The following ZFAND3 variants were observed in gnomAD, a reference collection of about 807,000 sequenced individuals.
ZFAND3 encodes the protein AN1-type zinc finger protein 3.
ZFAND3 carries 10 observed loss-of-function variants against 29.6 expected under a neutral mutation model. That is an observed-to-expected ratio of 0.34 (90% CI 0.21 to 0.57). The LOEUF is 0.57. Among genes scored for constraint, ZFAND3 ranks in the 20% least tolerant of loss-of-function variants. The pLI is 0.86. For synonymous variants in ZFAND3, 128 were observed against 112.6 expected (o/e 1.14, Z -0.87); for missense variants, 230 against 304.5 (o/e 0.76, Z 1.82).
chr6:37,901,944 G>A (rs1765326138), intron 1 of ZFAND3, among the ~76,000 whole-genome samples: 1 of 152,156 alleles, frequency 6.6e-6, no homozygotes, highest in Admixed American at 6.5e-5. Flanking sequence ...GTTCTCTGGT[G>A]CTGTATATAA....
chr6:37,932,077 T>C (rs190379037), intron 2 of ZFAND3, among the ~76,000 whole-genome samples: 1 of 152,198 alleles, frequency 6.6e-6, no homozygotes, highest in Admixed American at 6.5e-5. Flanking sequence ...GAGACCATCC[T>C]GGCCAACATG....
chr6:37,978,107 A>T (rs1762520974), intron 2 of ZFAND3, among the ~76,000 whole-genome samples: 1 of 151,694 alleles, frequency 6.6e-6, no homozygotes, highest in Non-Finnish European at 1.5e-5. Flanking sequence ...TAATTTTCGT[A>T]TTTTTAGTGG....
intron 1 of ZFAND3, among the ~76,000 whole-genome samples, chr6:37,897,523 A>G (rs955516087): frequency 2.6e-5 from 4 of 152,206 alleles, no homozygotes; most frequent in African/African-American, 9.6e-5. Flanking sequence ...TTTCAAGAGT[A>G]TATAGATGAG....
intron 5 of ZFAND3, among the ~76,000 whole-genome samples, chr6:38,122,070 TTATC>T (rs1381156332): frequency 2.0e-5 from 3 of 152,220 alleles, no homozygotes; most frequent in African/African-American, 7.2e-5. Flanking sequence ...CCCCATTTAT[TTATC>T]TGTTACTGGC....
At chr6:37,829,440 G>A (rs1763819166) in intron 1 of ZFAND3, among the ~76,000 whole-genome samples, 1 of 151,920 alleles carries the variant, frequency 6.6e-6, no homozygotes, top group Non-Finnish European at 1.5e-5. Flanking sequence ...GGAAGCTGAA[G>A]CAGGCGAATC....
intron 1 of ZFAND3, among the ~76,000 whole-genome samples, chr6:37,867,124 A>G (rs1764603855): frequency 6.6e-6 from 1 of 152,212 alleles, no homozygotes; most frequent in Non-Finnish European, 1.5e-5. Context: ...TTTAAAGAAG[A>G]AAAATCCTTC....
intron 1 of ZFAND3, among the ~76,000 whole-genome samples, chr6:37,826,972 A>G (rs1434719196): frequency 6.6e-6 from 1 of 152,208 alleles, no homozygotes; most frequent in Non-Finnish European, 1.5e-5. Flanking sequence ...TTCATCCTTC[A>G]AGAAAGTTAT....
chr6:37,889,915 G>A (rs1765062397), intron 1 of ZFAND3, among the ~76,000 whole-genome samples: 1 of 152,192 alleles, frequency 6.6e-6, no homozygotes, highest in Non-Finnish European at 1.5e-5. Context: ...TTTGCAGTAT[G>A]TTAGAAAAGT....
At chr6:37,838,832 C>G (rs1411865542) in intron 1 of ZFAND3, among the ~76,000 whole-genome samples, 3 of 152,228 alleles carry the variant, frequency 2.0e-5, no homozygotes, top group African/African-American at 7.2e-5. Flanking sequence ...TATTTGAATA[C>G]CTAGGAGGGG....
In ZFAND3 at chr6:38,154,479, A is replaced by C. The variant is rs1766311064; in HGVS notation, c.*2090A>C. 1 of 984,428 alleles carries C rather than the reference A, an allele frequency of 1.0e-6. No homozygotes were observed. The highest frequency in any genetic ancestry group is 1.7e-5 in the African/African-American group (1 of 57,198). 61.0% of individuals were successfully genotyped at this position (984,428 alleles called of 1,614,324 possible). A position where few individuals can be genotyped will look rare whatever the true frequency, so the allele number is the denominator to read the frequency against. ...TTGTATCTTTAAAAGAGAAAATCTT[A>C]TTTAACCCTTTTGTGTTCTAGATTT... On this transcript the variant is annotated 3_prime_UTR_variant, in exon 6 of 6. Coordinates refer to ENST00000287218, the MANE Select transcript of ZFAND3 (RefSeq NM_021943.3).
intron 1 of ZFAND3, among the ~76,000 whole-genome samples, chr6:37,924,946 T>C (rs1761455558): frequency 6.6e-6 from 1 of 152,106 alleles, no homozygotes; most frequent in South Asian, 2.1e-4. Context: ...AGCATGGGCA[T>C]GAGCCCTACA....
In ZFAND3 at chr6:37,820,027, G is replaced by A. The variant is rs1304303805; in HGVS notation, c.71+11G>A. 3 of 1,211,148 alleles carry A rather than the reference G, an allele frequency of 2.5e-6. No homozygotes were observed. Among genetic ancestry groups the A allele is most frequent in the Admixed American group, 8.8e-5 (2 of 22,786 alleles). The allele number at this position is 1,211,148 out of a possible 1,614,324, so 75.0% of individuals were successfully genotyped here. A position where few individuals can be genotyped will look rare whatever the true frequency, so the allele number is the denominator to read the frequency against. Reference sequence around the variant, plus strand: ...CTGCGGCTTCTGGGGGTAAGTGCCCGGCCGGGTGGGGGCGGGGGGCGGGGG... The same window carrying A: ...CTGCGGCTTCTGGGGGTAAGTGCCCAGCCGGGTGGGGGCGGGGGGCGGGGG... On this transcript the variant is annotated intron_variant, in intron 1 of 5. Transcript: ENST00000287218.
intron 2 of ZFAND3, among the ~76,000 whole-genome samples, chr6:37,988,985 A>G (rs1319202926): frequency 6.6e-6 from 1 of 151,756 alleles, no homozygotes; most frequent in Non-Finnish European, 1.5e-5. Context: ...GCTCACTGCA[A>G]TTTCCACTCC....
At chr6:38,098,695 C>T (rs7751390) in intron 4 of ZFAND3, among the ~76,000 whole-genome samples, 2 of 151,310 alleles carry the variant, frequency 1.3e-5, no homozygotes, top group Admixed American at 6.6e-5. Context: ...TAGAGACAGG[C>T]GTTTCACTGT....
intron 5 of ZFAND3, chr6:38,142,234 G>A (rs12662543): frequency 0.089 from 42,039 of 471,308 alleles, 2,477 homozygotes; most frequent in East Asian, 0.3. Context: ...GGGAAAGATG[G>A]GGAAAATGTT....
At chr6:37,960,577 G>A (rs1762177102) in intron 2 of ZFAND3, among the ~76,000 whole-genome samples, 1 of 152,118 alleles carries the variant, frequency 6.6e-6, no homozygotes, top group Non-Finnish European at 1.5e-5. Flanking sequence ...AACTACCTTA[G>A]AATCCTGTAG....
intron 1 of ZFAND3, among the ~76,000 whole-genome samples, chr6:37,863,377 T>G (rs1170178059): frequency 6.6e-6 from 1 of 152,210 alleles, no homozygotes; most frequent in East Asian, 1.9e-4. Flanking sequence ...CCTGGGTAGG[T>G]TCCTCAAGTC....
Position 38,119,290 on chromosome 6 carries a change from A to G in ZFAND3, c.529+2551A>G, listed in dbSNP as rs1174280218. 3.3e-5 allele frequency among the ~76,000 whole-genome samples: 5 copies of G among 152,236 alleles called. No homozygotes were observed. The East Asian group carries it at 5.8e-4, about 18-fold the overall frequency. ...CTGTTATTTCCTTGAGGATGCATGG[A>G]TGTTGGAGAGATGTTTAACTGCCCT... is the stretch of plus-strand genomic sequence containing the variant. On this transcript the variant is annotated intron_variant, in intron 5 of 5. Transcript: ENST00000287218.
At chr6:38,036,957 A>C (rs1763669933) in intron 2 of ZFAND3, among the ~76,000 whole-genome samples, 1 of 152,214 alleles carries the variant, frequency 6.6e-6, no homozygotes, top group Non-Finnish European at 1.5e-5. Flanking sequence ...AGAGATATTC[A>C]GAAACTGTAA....
Sources: gnomAD v4.1 joint callset for allele counts (sites outside exome capture counted in the v4.1 genomes callset) on GRCh38, gnomAD v4.1.1 for gene constraint, MANE v1.5 for transcripts, NCBI Gene and HGNC (gene_info 2026-07-23, HGNC 2026-07-21) for gene names.